Variants in PHF11 observed in about 807,000 individuals in gnomAD.
The protein encoded by PHF11 is PHD finger protein 11, also known as BRCA1 C-terminus-associated protein.
In PHF11, 38 loss-of-function variants were observed where a neutral mutation model predicts 40.5. The observed-to-expected ratio is 0.94, with a 90% CI of 0.72 to 1.23. PHF11 has a LOEUF of 1.23. Ranked by LOEUF, PHF11 falls within the 50% of genes most tolerant of loss-of-function variation. PHF11 has a pLI of 0.00. For synonymous variants in PHF11, 127 were observed against 138.2 expected, an observed-to-expected ratio of 0.92 and a Z score of 0.57; for missense variants, 369 against 392.4, an observed-to-expected ratio of 0.94 and a Z score of 0.50.
intron 2 of PHF11, among the ~76,000 whole-genome samples, chr13:49,512,535 G>T (rs577556736): frequency 6.6e-6 from 1 of 152,256 alleles, no homozygotes; most frequent in East Asian, 1.9e-4. Flanking sequence ...GGAGTCTTCT[G>T]GTTTCAAGTA....
intron 3 of PHF11, among the ~76,000 whole-genome samples, chr13:49,514,343 C>G (rs903333294): frequency 2.6e-5 from 4 of 152,072 alleles, no homozygotes; most frequent in Non-Finnish European, 4.4e-5. Context: ...CCATTTTAAT[C>G]GAAGAAATGG....
chr13:49,515,455 T>C (rs957606166), intron 3 of PHF11, among the ~76,000 whole-genome samples: 7 of 137,580 alleles, frequency 5.1e-5, no homozygotes, highest in African/African-American at 1.1e-4. Flanking sequence ...CCATCTCCTA[T>C]ACACACACAC....
chr13:49,522,791 GTCTC>G (rs1424030901), intron 6 of PHF11, among the ~76,000 whole-genome samples: 2 of 127,138 alleles, frequency 1.6e-5, no homozygotes, highest in African/African-American at 3.1e-5. Flanking sequence ...TTGAGACAGA[GTCTC>G]TCTCTGTCAC....
intron 1 of PHF11, 106 bp from the exon 2 acceptor site, chr13:49,506,529 C>T: frequency 1.1e-6 from 1 of 930,392 alleles, no homozygotes; most frequent in Non-Finnish European, 1.7e-6. Context: ...AATTAAGACT[C>T]TCTCATAAAA....
intron 6 of PHF11, 121 bp downstream of exon 6, chr13:49,522,228 A>T: frequency 1.8e-6 from 1 of 553,602 alleles, no homozygotes; most frequent in South Asian, 2.6e-5. Context: ...TTTGAAGAAC[A>T]TTCTTCATTT....
intron 1 of PHF11, among the ~76,000 whole-genome samples, chr13:49,500,476 T>G (rs1407665628): frequency 6.6e-6 from 1 of 152,154 alleles, no homozygotes; most frequent in Non-Finnish European, 1.5e-5. Context: ...GATGCCTGTC[T>G]GTGTAAAAGT....
intron 8 of PHF11, among the ~76,000 whole-genome samples, chr13:49,524,999 C>A (rs1959223917): frequency 6.6e-6 from 1 of 152,126 alleles, no homozygotes; most frequent in Non-Finnish European, 1.5e-5. Flanking sequence ...GCCCTGCATT[C>A]CTGTTGCTAA....
intron 9 of PHF11, 95 bp from the exon 10 acceptor site, chr13:49,528,416 A>G: frequency 1.2e-6 from 1 of 853,526 alleles, no homozygotes; most frequent in Non-Finnish European, 1.8e-6. Flanking sequence ...AGGATTGTGT[A>G]TCTGTACCTG....
intron 7 of PHF11, 79 bp downstream of exon 7, chr13:49,523,320 T>C (rs1959200327): frequency 2.2e-6 from 2 of 893,284 alleles, no homozygotes; most frequent in African/African-American, 3.3e-5. Context: ...TCAAACTTGG[T>C]ATCCCGCCTA....
Position 49,524,148 on chromosome 13 carries a change from T to C in PHF11, c.701T>C (p.Leu234Pro), listed in dbSNP as rs2139076500. The stretch of plus-strand genomic sequence containing the variant: ...GAAGCAGGACTTCTTAATTACTTAC[T>C]TGAAGAAATATTAGACAAAGTTCAT... The part of the protein sequence containing the change: ...CKEAGLLNYL[L>P]EEILDKVHSI... Residue 234 changes from leucine to proline, a missense_variant, in exon 8 of 10, where the codon CTT (leucine) becomes CCT (proline). By Grantham distance (98) the Leu-to-Pro change is moderately conservative. Coordinates refer to ENST00000378319, the MANE Select transcript of PHF11 (RefSeq NM_001040443.3). The C allele has an allele frequency of 6.2e-7, 1 of 1,606,292 alleles. No individual in the cohort carries two copies. The highest frequency in any genetic ancestry group is 1.7e-4 in the Middle Eastern group (1 of 6,036).
intron 1 of PHF11, 91 bp from the exon 2 acceptor site, chr13:49,506,544 G>A: frequency 9.0e-7 from 1 of 1,113,044 alleles, no homozygotes; most frequent in South Asian, 1.3e-5. Flanking sequence ...ATAAAAACAA[G>A]TGCCCTGCCT....
At chr13:49,499,158 G>T (rs1306186395) in intron 1 of PHF11, among the ~76,000 whole-genome samples, 1 of 152,190 alleles carries the variant, frequency 6.6e-6, no homozygotes, top group Non-Finnish European at 1.5e-5. Context: ...TCCTGGTGAT[G>T]GTATAGAAGA....
intron 8 of PHF11, chr13:49,525,938 G>A: frequency 2.7e-6 from 1 of 367,416 alleles, no homozygotes; most frequent in East Asian, 8.4e-5. Flanking sequence ...GGAGCCCGAG[G>A]TGAGTGGATC....
At chr13:49,506,556 C>T in intron 1 of PHF11, 79 bp from the exon 2 acceptor site, 1 of 1,296,974 alleles carries the variant, frequency 7.7e-7, no homozygotes, top group East Asian at 2.3e-5. Context: ...GCCCTGCCTT[C>T]CACTTGAAGA....
intron 2 of PHF11, among the ~76,000 whole-genome samples, chr13:49,511,123 A>G (rs572995411): frequency 1.3e-5 from 2 of 152,280 alleles, no homozygotes; most frequent in African/African-American, 4.8e-5. Flanking sequence ...TCTATGTTGC[A>G]TGTATCTGTA....
At chr13:49,519,444 A>C (rs544222596) in intron 4 of PHF11, among the ~76,000 whole-genome samples, 142 of 152,310 alleles carry the variant, frequency 9.3e-4, no homozygotes, top group Non-Finnish European at 1.6e-3. Context: ...TAGGGACTCA[A>C]TAAAACAGTC....
intron 1 of PHF11, among the ~76,000 whole-genome samples, chr13:49,498,855 C>T (rs796517681): frequency 1.3e-5 from 2 of 152,166 alleles, no homozygotes; most frequent in South Asian, 2.1e-4. Context: ...CATGTGAGTG[C>T]ACACACACAG....
At chr13:49,499,721 AGT>A (rs555268713) in intron 1 of PHF11, among the ~76,000 whole-genome samples, 28 of 152,376 alleles carry the variant, frequency 1.8e-4, no homozygotes, top group African/African-American at 6.5e-4. Flanking sequence ...TCCAGCAAAC[AGT>A]GGAAGAACTA....
intron 3 of PHF11, among the ~76,000 whole-genome samples, chr13:49,516,606 T>A (rs1352820395): frequency 6.6e-6 from 1 of 151,512 alleles, no homozygotes; most frequent in African/African-American, 2.4e-5. Flanking sequence ...CAGTTTTTGT[T>A]TTTGAAACAG....
Sources: allele counts gnomAD v4.1 joint callset (sites outside exome capture counted in the v4.1 genomes callset), GRCh38; gene constraint gnomAD v4.1.1; transcripts MANE v1.5; gene names NCBI Gene and HGNC (gene_info 2026-07-23, HGNC 2026-07-21).